The following LTBP4 variants were observed in gnomAD, a reference collection of about 807,000 sequenced individuals.
LTBP4 encodes the protein latent-transforming growth factor beta-binding protein 4.
In LTBP4, 93 loss-of-function variants were observed where a neutral mutation model predicts 180.2. That is an observed-to-expected ratio of 0.52 (90% CI 0.44 to 0.61). The LOEUF is 0.61. Ranked by LOEUF, LTBP4 falls within the 20% of genes least tolerant of loss-of-function variation. The pLI, the probability that LTBP4 is intolerant of heterozygous loss-of-function variation, is 0.00. For synonymous variants in LTBP4, 947 were observed against 934.5 expected (o/e 1.01, Z -0.24); for missense variants, 2,116 against 2,256.5 (o/e 0.94, Z 1.26).
chr19:40,603,685 C>T (rs1303963239), intron 1 of LTBP4, among the ~76,000 whole-genome samples: 1 of 152,228 alleles, frequency 6.6e-6, no homozygotes, highest in East Asian at 1.9e-4. Flanking sequence ...TTCCTCTCTA[C>T]AGTTGTGGCT....
intron 19 of LTBP4, among the ~76,000 whole-genome samples, chr19:40,616,606 G>C (rs1017911986): frequency 6.6e-6 from 1 of 152,180 alleles, no homozygotes; most frequent in African/African-American, 2.4e-5. Flanking sequence ...GATGGTGCAT[G>C]CCTGTAGTCC....
chr19:40,625,824 G>A (rs889802738), intron 26 of LTBP4, 33 bp from the exon 27 acceptor site: 2 of 1,510,908 alleles, frequency 1.3e-6, no homozygotes, highest in Non-Finnish European at 8.9e-7. Context: ...TGAGTGCCAG[G>A]CCCACTCTGA....
chr19:40,603,742 C>T (rs1378327603), intron 1 of LTBP4, among the ~76,000 whole-genome samples: 5 of 152,258 alleles, frequency 3.3e-5, no homozygotes, highest in Admixed American at 1.3e-4. Context: ...CCTCCCTCCC[C>T]TCCGCACAGC....
chr19:40,598,212 C>A (rs919158400), upstream of LTBP4, among the ~76,000 whole-genome samples: 1 of 151,830 alleles, frequency 6.6e-6, no homozygotes, highest in Non-Finnish European at 1.5e-5. Flanking sequence ...GTAACCCGAG[C>A]CGCGGCGGGG....
chr19:40,616,735 A>T (rs2081551612), intron 19 of LTBP4, among the ~76,000 whole-genome samples, 154 bp from the exon 20 acceptor site: 1 of 152,264 alleles, frequency 6.6e-6, no homozygotes, highest in South Asian at 2.1e-4. Flanking sequence ...GTCTCAAAGA[A>T]AAAACAAAGT....
chr19:40,627,684 G>C (rs762516459), intron 28 of LTBP4, 21 bp from the exon 29 acceptor site: 2 of 1,572,824 alleles, frequency 1.3e-6, no homozygotes, highest in East Asian at 2.4e-5. Flanking sequence ...TCAAGTCATA[G>C]GGTCCCCGCA....
intron 27 of LTBP4, among the ~76,000 whole-genome samples, 170 bp from the exon 28 acceptor site, chr19:40,626,805 G>A (rs748272223): frequency 2.6e-5 from 4 of 152,082 alleles, no homozygotes; most frequent in African/African-American, 4.8e-5. Flanking sequence ...ATCTCAGCAC[G>A]TCCGAATCCC....
chr19:40,610,959 A>T, intron 12 of LTBP4, 193 bp from the exon 13 acceptor site: 1 of 795,288 alleles, frequency 1.3e-6, no homozygotes, highest in Non-Finnish European at 1.9e-6. Flanking sequence ...AGGCCTTCTC[A>T]TGGGGACTAC....
chr19:40,594,201 A>G (rs951624867), intron 1 of LTBP4, among the ~76,000 whole-genome samples: 1 of 150,558 alleles, frequency 6.6e-6, no homozygotes. Flanking sequence ...AATGCTAGAG[A>G]TAGTATTATC....
chr19:40,608,575 C>T lies in LTBP4; in HGVS notation c.1398C>T (p.Ala466=), dbSNP rs758962812. ...GPELPLPSIP[A]WTGPEIPESG... is the part of the protein sequence containing the mutation. ...AGCTTCCCTTGCCCAGCATCCCTGC[C>T]TGGACTGGTCCTGAGATTCCTGAAT... The change falls in exon 9 of 30, where the codon GCC becomes GCT. Residue 466 remains alanine, a synonymous_variant. Coordinates refer to ENST00000396819, the MANE Select transcript of LTBP4 (RefSeq NM_001042545.2). 1.2e-6 allele frequency: 2 copies of T among 1,600,226 alleles called. No homozygotes were observed. The highest frequency in any genetic ancestry group is 2.3e-5 in the South Asian group (2 of 88,486).
chr19:40,601,525 C>T lies in LTBP4; in HGVS notation c.138C>T (p.Val46=). The stretch of plus-strand genomic sequence containing the variant: ...CGGTCGTGTGCGGCCTGCGCTGCGT[C>T]CATGGGCCGACCGGCTCCCGCTGTA... The part of the protein sequence containing the change: ...FTPVVCGLRC[V]HGPTGSRCTP... The change falls in exon 1 of 30, where the codon GTC becomes GTT. Residue 46 remains valine, a synonymous_variant. Coordinates refer to ENST00000396819, the MANE Select transcript of LTBP4 (RefSeq NM_001042545.2). 1 of 1,494,256 alleles carries T rather than the reference C, an allele frequency of 6.7e-7. No homozygotes were observed. 92.6% of individuals were successfully genotyped at this position (1,494,256 alleles called of 1,614,324 possible). A position where few individuals can be genotyped will look rare whatever the true frequency, so the allele number is the denominator to read the frequency against.
At chr19:40,607,239 C>T in intron 6 of LTBP4, 126 bp from the exon 7 acceptor site, 2 of 844,768 alleles carry the variant, frequency 2.4e-6, no homozygotes. Context: ...AGACCTCTCC[C>T]AAATGCCCCT....
chr19:40,601,240 C>G (rs1369366023), upstream of LTBP4: 10 of 540,438 alleles, frequency 1.9e-5, no homozygotes, highest in Non-Finnish European at 2.1e-5. Flanking sequence ...GCCCCACGCG[C>G]CCCCGCGCGG....
intron 22 of LTBP4, 88 bp downstream of exon 22, chr19:40,619,581 A>C: frequency 1.4e-6 from 2 of 1,388,756 alleles, no homozygotes; most frequent in South Asian, 2.9e-5. Flanking sequence ...GACAGCTACC[A>C]TCAGCTAAAT....
rs1165909792 is a variant in LTBP4, at chr19:40,627,016, T to C, written c.4027T>C (p.Tyr1343His). 6.3e-6 allele frequency: 10 copies of C among 1,599,132 alleles called. No homozygotes were observed. The highest frequency in any genetic ancestry group is 6.8e-6 in the Non-Finnish European group (8 of 1,170,496). The change falls in exon 28 of 30, where the codon TAT (tyrosine) becomes CAT (histidine). Residue 1343 changes from tyrosine (Y) to histidine (H), a missense_variant. Physicochemically the swap from Tyr to His is moderately conservative, Grantham distance 83 (BLOSUM62 2). This residue lies in a region of LTBP4 where 488 missense variants were observed against 458.8 expected (regional missense o/e 1.06). Coordinates refer to ENST00000396819, the MANE Select transcript of LTBP4 (RefSeq NM_001042545.2). ...ALCNVLRPPAYSPPRPGGFGL... is the reference protein window; with the variant it reads ...ALCNVLRPPAHSPPRPGGFGL... ...GTGCAATGTGCTACGCCCCCCCGCATATAGCCCCCCGCGACCAGGTGGCTT... is the reference window on the plus strand; with the variant it reads ...GTGCAATGTGCTACGCCCCCCCGCACATAGCCCCCCGCGACCAGGTGGCTT...
chr19:40,624,798 T>C (rs1353113451), intron 26 of LTBP4, among the ~76,000 whole-genome samples: 3 of 152,112 alleles, frequency 2.0e-5, no homozygotes, highest in Non-Finnish European at 4.4e-5. Context: ...TGTTATTATT[T>C]ATCTGCATCT....
rs1268232722 is a variant in LTBP4, at chr19:40,622,066, A to G, written c.3218-335A>G. Reference sequence around the variant, plus strand: ...ACCTGGCGACAAATTGTAGGTTTTGAGATGAAGACTCAGCCAGTTTGCCAC... The same window carrying G: ...ACCTGGCGACAAATTGTAGGTTTTGGGATGAAGACTCAGCCAGTTTGCCAC... On this transcript the variant is annotated intron_variant, in intron 22 of 29. Transcript: ENST00000396819. The surrounding 1 kb of genome is among the most constrained non-coding windows in gnomAD (Gnocchi z 5.1). Among the ~76,000 whole-genome samples, 1 of 152,114 alleles carries G rather than the reference A, an allele frequency of 6.6e-6. No individual in the cohort carries two copies. Among genetic ancestry groups the G allele is most frequent in the Non-Finnish European group, 1.5e-5 (1 of 68,028 alleles).
At position 40,619,429 on chromosome 19, in the gene LTBP4, C is replaced by T. The variant is rs576071899; in HGVS notation, c.3153C>T (p.Cys1051=). 34 of 1,613,868 alleles carry T rather than the reference C, an allele frequency of 2.1e-5. No homozygotes were observed. In the African/African-American group the frequency reaches 3.9e-4, roughly 18 times the overall value. Residue 1051 remains cysteine (C), a synonymous_variant, in exon 22 of 30, where the codon TGC becomes TGT. Coordinates refer to ENST00000396819, the MANE Select transcript of LTBP4 (RefSeq NM_001042545.2). ...ENVEGSFLCV[C]PNSPEEFDPM... ...TCGAAGGCTCCTTCCTCTGTGTCTG[C>T]CCCAACAGCCCGGAAGAGTTTGACC... is the stretch of plus-strand genomic sequence containing the variant.
chr19:40,608,289 C>A lies in LTBP4; in HGVS notation c.1226C>A (p.Thr409Asn), dbSNP rs541904995. Residue 409 changes from threonine to asparagine, a missense_variant, in exon 8 of 30, where the codon ACC becomes AAC. By Grantham distance (65) the Thr-to-Asn change is moderately conservative. Coordinates refer to ENST00000396819, the MANE Select transcript of LTBP4 (RefSeq NM_001042545.2). ...HYSASDLRYNTRPLGQEPPRV... is the reference protein window; with the variant it reads ...HYSASDLRYNNRPLGQEPPRV... ...TCGGCCTCCGACCTCCGCTACAACACCAGACCCCTGGGCCAGGAGCCACCC... is the reference window on the plus strand; with the variant it reads ...TCGGCCTCCGACCTCCGCTACAACAACAGACCCCTGGGCCAGGAGCCACCC... 1 of 1,613,916 alleles carries A rather than the reference C, an allele frequency of 6.2e-7. No homozygotes were observed. Among genetic ancestry groups the A allele is most frequent in the South Asian group, 1.1e-5 (1 of 91,068 alleles).
Sources: allele counts gnomAD v4.1 joint callset (sites outside exome capture counted in the v4.1 genomes callset), GRCh38; gene constraint gnomAD v4.1.1; regional missense constraint gnomAD v4.1.1; non-coding constraint Gnocchi (gnomAD v3.1); transcripts MANE v1.5; gene names NCBI Gene and HGNC (gene_info 2026-07-23, HGNC 2026-07-21).